PCDHA11: variants seen among roughly 807,000 people sequenced by gnomAD.
PCDHA11 encodes protocadherin alpha-11.
A neutral mutation model predicts 70.3 loss-of-function variants in PCDHA11; 61 were observed. That is an observed-to-expected ratio of 0.87 (90% confidence interval 0.71 to 1.07). The LOEUF is 1.07. Ranked by LOEUF, PCDHA11 falls within the 50% of genes least tolerant of loss-of-function variation. PCDHA11 has a pLI of 0.00. For missense variants in PCDHA11, 1,324 were observed against 1,237.5 expected, an observed-to-expected ratio of 1.07 and a Z score of -1.05; for synonymous variants, 633 against 555.1, an observed-to-expected ratio of 1.14 and a Z score of -1.97.
chr5:140,876,685 T>C, intron 1 of PCDHA11: 1 of 1,614,216 alleles, frequency 6.2e-7, no homozygotes, highest in Non-Finnish European at 8.5e-7. Flanking sequence ...CAAGAATTAC[T>C]ACTCGTTGGT....
chr5:140,874,624 A>G (rs1554167312), intron 1 of PCDHA11, among the ~76,000 whole-genome samples: 3 of 152,242 alleles, frequency 2.0e-5, no homozygotes, highest in African/African-American at 2.4e-5. Flanking sequence ...AACATTTTAC[A>G]TTAAAGTGCT....
chr5:141,011,435 T>C lies in PCDHA11; in HGVS notation c.*1498T>C, dbSNP rs781837801. ...TGTGAATGTTAATGCAACTATTACC[T>C]AGAGTGAACTTTAAGCTTTATTGTT... On this transcript the variant is annotated 3_prime_UTR_variant, in exon 4 of 4. Coordinates refer to ENST00000398640, the MANE Select transcript of PCDHA11 (RefSeq NM_018902.5). 3 of 153,818 alleles carry C rather than the reference T, an allele frequency of 2.0e-5. No individual in the cohort carries two copies. The highest frequency in any genetic ancestry group is 4.4e-5 in the Non-Finnish European group (3 of 68,050). The allele number at this position is 153,818 out of a possible 1,614,324, so 9.5% of individuals were successfully genotyped here.
intron 1 of PCDHA11, chr5:140,875,983 G>A: frequency 6.2e-7 from 1 of 1,613,992 alleles, no homozygotes; most frequent in Non-Finnish European, 8.5e-7. Context: ...TTTGACCTAT[G>A]CGTTAAGTCT....
At chr5:140,990,662 T>C (rs1554251660) in intron 3 of PCDHA11, among the ~76,000 whole-genome samples, 1 of 152,182 alleles carries the variant, frequency 6.6e-6, no homozygotes, top group African/African-American at 2.4e-5. Context: ...ATGATTTACA[T>C]TAGATGCACA....
chr5:140,957,254 A>T (rs2095344725), intron 1 of PCDHA11, among the ~76,000 whole-genome samples: 1 of 152,192 alleles, frequency 6.6e-6, no homozygotes, highest in Non-Finnish European at 1.5e-5. Flanking sequence ...TAAAATTTAA[A>T]TATGTAAGCA....
chr5:140,944,689 A>T (rs1360975363), intron 1 of PCDHA11, among the ~76,000 whole-genome samples: 1 of 152,226 alleles, frequency 6.6e-6, no homozygotes, highest in Non-Finnish European at 1.5e-5. Context: ...TCCTATTAAT[A>T]ACAGTAATTA....
chr5:140,896,390 C>A, intron 1 of PCDHA11, among the ~76,000 whole-genome samples: 1 of 152,124 alleles, frequency 6.6e-6, no homozygotes, highest in Non-Finnish European at 1.5e-5. Flanking sequence ...ACCTCACCAG[C>A]ATCTGTTATT....
intron 1 of PCDHA11, chr5:140,928,020 T>G: frequency 1.2e-6 from 2 of 1,614,182 alleles, no homozygotes; most frequent in Middle Eastern, 1.6e-4. Context: ...GTAGGGTCAT[T>G]TGTGGCATGT....
intron 1 of PCDHA11, chr5:140,967,005 A>G: frequency 1.2e-6 from 2 of 1,605,512 alleles, no homozygotes; most frequent in African/African-American, 1.3e-5. Flanking sequence ...TTGCGCATCA[A>G]CCATCTGGGT....
At chr5:140,882,988 G>A (rs782434208) in intron 1 of PCDHA11, 4 of 1,614,080 alleles carry the variant, frequency 2.5e-6, no homozygotes, top group Non-Finnish European at 3.4e-6. Context: ...ACAACGCCCC[G>A]GAATTTTACC....
Position 140,882,982 on chromosome 5 carries a change from C to T in PCDHA11, c.2391+11488C>T, listed in dbSNP as rs139888237. 2.9e-5 allele frequency: 47 copies of T among 1,614,148 alleles called. No individual in the cohort carries two copies. The East Asian group carries it at 3.6e-4, about 12-fold the overall frequency. On this transcript the variant is annotated intron_variant, in intron 1 of 3. Coordinates refer to ENST00000398640, the MANE Select transcript of PCDHA11 (RefSeq NM_018902.5). The stretch of plus-strand genomic sequence containing the variant: ...TCACGATTCTGGACGTGAATGACAA[C>T]GCCCCGGAATTTTACCAATCCGTTT...
In PCDHA11 at chr5:140,991,828, C is replaced by T. The variant is rs1554252431; in HGVS notation, c.2539+9265C>T. Among the ~76,000 whole-genome samples, 6 of 152,168 alleles carry T rather than the reference C, an allele frequency of 3.9e-5. No homozygotes were observed. The South Asian group carries it at 6.2e-4, about 16-fold the overall frequency. The stretch of plus-strand genomic sequence containing the variant: ...CTTCCGCATTTTTAGGCATTTATAA[C>T]GGCAGAACCGCACTTCCAGATACCA... On this transcript the variant is annotated intron_variant, in intron 3 of 3. Transcript: ENST00000398640.
At chr5:140,993,894 A>G (rs1267639459) in intron 3 of PCDHA11, among the ~76,000 whole-genome samples, 2 of 152,204 alleles carry the variant, frequency 1.3e-5, no homozygotes, top group African/African-American at 4.8e-5. Flanking sequence ...TGATGTCCAT[A>G]CAACAAAAAT....
intron 1 of PCDHA11, chr5:140,875,666 G>A (rs781866030): frequency 1.2e-6 from 2 of 1,613,786 alleles, no homozygotes; most frequent in East Asian, 4.5e-5. Flanking sequence ...CGCCTGTTCC[G>A]GGTGGCGTCC....
rs373081906 is a variant in PCDHA11, at chr5:140,869,615, G to A, written c.512G>A (p.Arg171Lys). The A allele has an allele frequency of 2.5e-6, 4 of 1,613,740 alleles. No individual in the cohort carries two copies. The highest frequency in any genetic ancestry group is 4.5e-5 in the East Asian group (2 of 44,896). The change falls in exon 1 of 4, where the codon AGG (arginine) becomes AAG (lysine). Residue 171 changes from arginine to lysine, a missense_variant. Transcript: ENST00000398640. ...DIEENALLTY[R>K]LSKNEYFSLD... ...GAAGAGAATGCTCTATTGACCTACA[G>A]GCTAAGTAAAAATGAGTATTTTTCT...
intron 1 of PCDHA11, among the ~76,000 whole-genome samples, chr5:140,943,674 A>G (rs1401531217): frequency 6.6e-6 from 1 of 152,240 alleles, no homozygotes; most frequent in Non-Finnish European, 1.5e-5. Context: ...TAAAGTGTGA[A>G]AAAAAGGGAT....
intron 1 of PCDHA11, among the ~76,000 whole-genome samples, chr5:140,970,537 GT>G (rs111648801): frequency 0.029 from 4,476 of 152,214 alleles, 218 homozygotes; most frequent in African/African-American, 0.1. Flanking sequence ...ATGTGTGTGT[GT>G]TTGTGTTGTG....
In PCDHA11 at chr5:140,870,108, CTG is replaced by C. The variant is rs1455437240; in HGVS notation, c.1006_1007del (p.Trp336GlyfsTer9). ...CCCCAATGGCAGGTCACTGTACAGTCTGGGTGGAAATCTTGGACACCAACGAT... is the reference window on the plus strand; with the variant it reads ...CCCCAATGGCAGGTCACTGTACAGTCGGTGGAAATCTTGGACACCAACGAT... ...TPPMAGHCTV[W>X]VEILDTNDNS... On this transcript the variant is annotated frameshift_variant, in exon 1 of 4. Transcript: ENST00000398640. LOFTEE classifies it high-confidence loss of function. The C allele has an allele frequency of 6.2e-7, 1 of 1,613,906 alleles. No homozygotes were observed. Among genetic ancestry groups the C allele is most frequent in the African/African-American group, 1.3e-5 (1 of 75,056 alleles).
intron 1 of PCDHA11, chr5:140,882,737 G>A (rs1375859660): frequency 6.2e-7 from 1 of 1,614,090 alleles, no homozygotes; most frequent in Admixed American, 1.7e-5. Flanking sequence ...ACTAGATGGC[G>A]CATCCGATGC....
Sources: allele counts gnomAD v4.1 joint callset (sites outside exome capture counted in the v4.1 genomes callset), GRCh38; gene constraint gnomAD v4.1.1; transcripts MANE v1.5; gene names NCBI Gene and HGNC (gene_info 2026-07-23, HGNC 2026-07-21).